Variants in DLG5 observed in about 807,000 individuals in gnomAD.
DLG5 encodes the protein disks large homolog 5.
A neutral mutation model predicts 189.8 loss-of-function variants in DLG5; 48 were observed. The ratio of observed to expected loss-of-function variants is 0.25; its 90% CI spans 0.20 to 0.32. DLG5 has a LOEUF of 0.32. DLG5 is among the 10% of genes least tolerant of loss of function. DLG5 has a pLI of 1.00. For missense variants in DLG5, 2,160 were observed against 2,544.7 expected, an observed-to-expected ratio of 0.85 and a Z score of 3.25; for synonymous variants, 1,016 against 1,054.1, an observed-to-expected ratio of 0.96 and a Z score of 0.70.
At chr10:77,825,377 CA>C (rs1842577007) in intron 13 of DLG5, among the ~76,000 whole-genome samples, 1 of 63,634 alleles carries the variant, frequency 1.6e-5, no homozygotes. Flanking sequence ...CACACAACCA[CA>C]CACACACACA....
At chr10:77,847,822 T>C (rs1002653225) in intron 5 of DLG5, among the ~76,000 whole-genome samples, 5 of 152,176 alleles carry the variant, frequency 3.3e-5, no homozygotes, top group African/African-American at 1.2e-4. Flanking sequence ...TCCTCCTGCC[T>C]CCGCCTCCCA....
At chr10:77,898,094 CCACAAG>C (rs1034316268) in intron 1 of DLG5, among the ~76,000 whole-genome samples, 6 of 152,218 alleles carry the variant, frequency 3.9e-5, no homozygotes, top group African/African-American at 1.4e-4. Flanking sequence ...GCTGCTGCTA[CCACAAG>C]CACCTTCCTC....
chr10:77,900,367 T>C (rs10430531), intron 1 of DLG5, among the ~76,000 whole-genome samples: 29,869 of 152,108 alleles, frequency 0.2, 3,555 homozygotes, highest in Non-Finnish European at 0.27. Context: ...ATGCATATCC[T>C]CACGCTTCTG....
chr10:77,932,191 G>A, the DLG5 span, among the ~76,000 whole-genome samples: 18 of 152,174 alleles, frequency 1.2e-4, no homozygotes, highest in Non-Finnish European at 2.5e-4. Context: ...CCCTCTGCGA[G>A]GAAAGACTCC....
At chr10:77,795,932 C>CT in intron 29 of DLG5, 129 bp downstream of exon 29, 1 of 1,391,976 alleles carries the variant, frequency 7.2e-7, no homozygotes, top group South Asian at 1.3e-5. Context: ...TGAACTCAGA[C>CT]TAACACAACA....
the DLG5 span, among the ~76,000 whole-genome samples, chr10:77,934,842 C>CTTTTTTTTTTT: frequency 2.3e-4 from 33 of 145,094 alleles, no homozygotes; most frequent in African/African-American, 8.6e-4. Flanking sequence ...GGGTGCTGTT[C>CTTTTTTTTTTT]TTTTTTTTTG....
At chr10:77,815,962 C>T in intron 20 of DLG5, 1 of 381,194 alleles carries the variant, frequency 2.6e-6, no homozygotes. Context: ...TACAGTCAAC[C>T]TGAAACCTAA....
chr10:77,867,574 T>C (rs1844734266), intron 2 of DLG5, among the ~76,000 whole-genome samples: 1 of 152,194 alleles, frequency 6.6e-6, no homozygotes, highest in Admixed American at 6.5e-5. Flanking sequence ...AGTAATAGGA[T>C]ACCGTTGGGA....
At chr10:77,814,505 A>ATCTATCTATC (rs1555546642) in intron 20 of DLG5, among the ~76,000 whole-genome samples, 1 of 110,256 alleles carries the variant, frequency 9.1e-6, no homozygotes, top group African/African-American at 3.4e-5. Flanking sequence ...ATATATATAT[A>ATCTATCTATC]TCCAAAGGGT....
chr10:77,863,879 T>A (rs1226435993), intron 2 of DLG5, among the ~76,000 whole-genome samples: 1 of 152,182 alleles, frequency 6.6e-6, no homozygotes, highest in African/African-American at 2.4e-5. Context: ...ACCCCCATTT[T>A]GTAAAGGAGG....
intron 14 of DLG5, among the ~76,000 whole-genome samples, chr10:77,823,772 C>T (rs1589159992): frequency 6.6e-6 from 1 of 152,118 alleles, no homozygotes; most frequent in African/African-American, 2.4e-5. Context: ...CTCAGGTGAT[C>T]CACCCGCCTC....
At chr10:77,837,698 T>C (rs1455647640) in intron 7 of DLG5, among the ~76,000 whole-genome samples, 1 of 152,166 alleles carries the variant, frequency 6.6e-6, no homozygotes, top group Non-Finnish European at 1.5e-5. Flanking sequence ...GATCTAGAAG[T>C]GACTCGCCAG....
chr10:77,806,637 TAAG>T, intron 26 of DLG5, 118 bp downstream of exon 26: 1 of 1,340,912 alleles, frequency 7.5e-7, no homozygotes, highest in Non-Finnish European at 1.0e-6. Context: ...GAAGCTAAGA[TAAG>T]AAGCAGAATC....
chr10:77,876,873 CTTT>C (rs35257302), intron 1 of DLG5, among the ~76,000 whole-genome samples: 1 of 143,320 alleles, frequency 7.0e-6, no homozygotes, highest in African/African-American at 2.6e-5. Flanking sequence ...TCTGTCCATT[CTTT>C]TTTTTTTTTT....
upstream of DLG5, chr10:77,926,833 C>A: frequency 5.5e-6 from 1 of 181,548 alleles, no homozygotes; most frequent in South Asian, 8.5e-5. This position sits in a 1 kb window ranked among gnomAD's most constrained non-coding sequence, Gnocchi z 5.2. Context: ...GCCCCGAGGC[C>A]GGGCTCCAGC....
upstream of DLG5, chr10:77,928,044 G>C (rs1426447979): frequency 2.0e-5 from 3 of 152,174 alleles, no homozygotes; most frequent in Non-Finnish European, 4.4e-5. Flanking sequence ...TTCTTCAAGG[G>C]GAGAAGTCGT....
intron 3 of DLG5, among the ~76,000 whole-genome samples, chr10:77,855,234 G>C (rs1001444361): frequency 6.6e-6 from 1 of 152,128 alleles, no homozygotes; most frequent in Non-Finnish European, 1.5e-5. Context: ...CTCAGAGTGG[G>C]GTTCCCAGAC....
intron 1 of DLG5, among the ~76,000 whole-genome samples, chr10:77,877,867 C>G (rs980704404): frequency 6.5e-5 from 8 of 122,616 alleles, no homozygotes; most frequent in Admixed American, 4.7e-4. Flanking sequence ...AGCAGCGCCT[C>G]TGCCCCGCCA....
At position 77,830,244 on chromosome 10, in the gene DLG5, T is replaced by G; in HGVS notation, c.1982A>C (p.Lys661Thr). The change falls in exon 11 of 32, where the codon AAA (lysine) becomes ACA (threonine). Residue 661 changes from lysine to threonine, a missense_variant. This residue lies in a region of DLG5 where 107 missense variants were observed against 214.5 expected (regional missense o/e 0.50). Coordinates refer to ENST00000372391, the MANE Select transcript of DLG5 (RefSeq NM_004747.4). The part of the protein sequence containing the change: ...DCGIFVTKVD[K>T]GSIADGRLRV... ...TAAGCGGCCATCAGCAATGCTTCCT[T>G]TGTCCACTTTAGTGACAAATATGCC... 6.2e-7 allele frequency: 1 copy of G among 1,614,152 alleles called. No homozygotes were observed. Among genetic ancestry groups the G allele is most frequent in the Non-Finnish European group, 8.5e-7 (1 of 1,180,044 alleles).
Sources: gnomAD v4.1 joint callset for allele counts (sites outside exome capture counted in the v4.1 genomes callset) on GRCh38, gnomAD v4.1.1 for gene constraint, gnomAD v4.1.1 regional missense constraint, Gnocchi (gnomAD v3.1) non-coding constraint, MANE v1.5 for transcripts, NCBI Gene and HGNC (gene_info 2026-07-23, HGNC 2026-07-21) for gene names.